The following DSE variants were observed in gnomAD, a reference collection of about 807,000 sequenced individuals.
DSE encodes the protein dermatan-sulfate epimerase.
A neutral mutation model predicts 84.4 loss-of-function variants in DSE; 36 were observed. The ratio of observed to expected loss-of-function variants is 0.43; its 90% CI spans 0.33 to 0.56. The LOEUF (loss-of-function observed/expected upper bound fraction) is 0.56, where lower values mean the gene tolerates loss of function less well. DSE is among the 20% of genes least tolerant of loss of function. DSE has a pLI of 0.06. For synonymous variants in DSE, 410 were observed against 430.1 expected (o/e 0.95, Z 0.58); for missense variants, 862 against 1,169.6 (o/e 0.74, Z 3.84).
intron 2 of DSE, among the ~76,000 whole-genome samples, chr6:116,268,205 T>G (rs1772719726): frequency 1.3e-5 from 2 of 152,232 alleles, no homozygotes; most frequent in Non-Finnish European, 2.9e-5. Context: ...ACAGTAGTTT[T>G]TCTATGTAGA....
At chr6:116,399,157 C>T in intron 1 of DSE, 41 bp from the exon 2 acceptor site, 2 of 1,555,686 alleles carry the variant, frequency 1.3e-6, no homozygotes, top group South Asian at 1.2e-5. Flanking sequence ...GCCATGTTCC[C>T]TTGGCTGACA....
intron 2 of DSE, among the ~76,000 whole-genome samples, chr6:116,350,502 A>T (rs999729813): frequency 2.0e-5 from 3 of 152,212 alleles, no homozygotes; most frequent in Non-Finnish European, 4.4e-5. Flanking sequence ...TTGCAGGGTC[A>T]TGAGCTTCTA....
At chr6:116,271,355 T>C (rs1426067020) in intron 2 of DSE, among the ~76,000 whole-genome samples, 1 of 152,208 alleles carries the variant, frequency 6.6e-6, no homozygotes, top group Non-Finnish European at 1.5e-5. Context: ...GTGCAGATAC[T>C]GCTGGTCTGG....
chr6:116,298,740 T>C lies in DSE; in HGVS notation c.-54+39773T>C, dbSNP rs142747610. ...AGCATTAAACACATTATCTGACATA[T>C]AGTGTTCATGTAATACTGTTAGCTA... On this transcript the variant is annotated intron_variant, in intron 2 of 3. Coordinates refer to the DSE transcript ENST00000430252. Among the ~76,000 whole-genome samples, 9 of 152,368 alleles carry C rather than the reference T, an allele frequency of 5.9e-5. No homozygotes were observed. In the East Asian group the frequency reaches 1.5e-3, roughly 26 times the overall value.
rs554602183 is a variant in DSE at position 116,439,331 on chromosome 6, G to C, written c.*1986G>C. ...TCATTAGGTTAAGGCTTGACAATAC[G>C]TTAGTCGCCACAGCATGATCCAGTG... On this transcript the variant is annotated 3_prime_UTR_variant, in exon 6 of 6. Transcript: ENST00000644252. 2 of 152,174 alleles carry C rather than the reference G, an allele frequency of 1.3e-5. No individual in the cohort carries two copies. The highest frequency in any genetic ancestry group is 2.9e-5 in the Non-Finnish European group (2 of 67,998). The allele number at this position is 152,174 out of a possible 1,614,324, so 9.4% of individuals were successfully genotyped here. A position where few individuals can be genotyped will look rare whatever the true frequency, so the allele number is the denominator to read the frequency against.
chr6:116,416,253 T>C (rs943994538), intron 2 of DSE, among the ~76,000 whole-genome samples: 2 of 152,102 alleles, frequency 1.3e-5, no homozygotes, highest in African/African-American at 4.8e-5. Flanking sequence ...AAATCATATC[T>C]ACAAAGTCCC....
chr6:116,267,334 A>G (rs1268873682), intron 2 of DSE, among the ~76,000 whole-genome samples: 1 of 152,196 alleles, frequency 6.6e-6, no homozygotes, highest in Admixed American at 6.5e-5. Context: ...TTCTATTGGG[A>G]CAAGATGTTG....
intron 2 of DSE, among the ~76,000 whole-genome samples, chr6:116,299,531 TATATATATATATATATATATAC>T (rs1774885811): frequency 2.5e-5 from 1 of 39,768 alleles, no homozygotes; most frequent in Non-Finnish European, 5.2e-5. Flanking sequence ...TATATATATA[TATATATATATATATATATATAC>T]ACATACACAC....
chr6:116,357,744 A>G (rs1490802306), intron 2 of DSE, among the ~76,000 whole-genome samples: 5 of 152,180 alleles, frequency 3.3e-5, no homozygotes, highest in African/African-American at 9.7e-5. Flanking sequence ...CAAAGGATCT[A>G]CTTTCCCCAA....
chr6:116,433,244 A>G (rs1488504784), intron 4 of DSE, 99 bp from the exon 5 acceptor site: 3 of 1,172,592 alleles, frequency 2.6e-6, no homozygotes, highest in Non-Finnish European at 3.6e-6. Flanking sequence ...CCATTACACA[A>G]TTCTAATTTG....
chr6:116,263,717 G>A (rs921270933), intron 2 of DSE, among the ~76,000 whole-genome samples: 2 of 152,190 alleles, frequency 1.3e-5, no homozygotes, highest in African/African-American at 4.8e-5. Context: ...GTGTACTTCA[G>A]TGTGTTTTTG....
intron 2 of DSE, among the ~76,000 whole-genome samples, chr6:116,266,317 T>G (rs1772627991): frequency 1.3e-5 from 2 of 152,186 alleles, no homozygotes; most frequent in Non-Finnish European, 2.9e-5. Flanking sequence ...AGTAAACTCT[T>G]TAAGAGCCAT....
At chr6:116,263,207 G>A (rs575275421) in intron 2 of DSE, among the ~76,000 whole-genome samples, 2 of 152,258 alleles carry the variant, frequency 1.3e-5, no homozygotes, top group Middle Eastern at 6.8e-3. Flanking sequence ...TGTCAGTGGT[G>A]TGTTAAAGTC....
At chr6:116,258,406 T>C (rs1772237596) in intron 1 of DSE, 1 of 698,760 alleles carries the variant, frequency 1.4e-6, no homozygotes, top group Non-Finnish European at 2.6e-6. Context: ...TTAAAGTCAT[T>C]ATAATAACTT....
At chr6:116,287,667 A>G (rs1271272148) in intron 2 of DSE, among the ~76,000 whole-genome samples, 1 of 152,052 alleles carries the variant, frequency 6.6e-6, no homozygotes, top group Non-Finnish European at 1.5e-5. Context: ...TCTGGGAAGG[A>G]GAGCATTTTT....
At chr6:116,280,439 T>C (rs1415061656) in intron 2 of DSE, among the ~76,000 whole-genome samples, 3 of 152,220 alleles carry the variant, frequency 2.0e-5, no homozygotes, top group Non-Finnish European at 4.4e-5. Context: ...CGATGCATAG[T>C]ATTCATTGCT....
At chr6:116,357,064 CTTAT>C (rs1351549244) in intron 2 of DSE, among the ~76,000 whole-genome samples, 8 of 152,142 alleles carry the variant, frequency 5.3e-5, no homozygotes, top group Non-Finnish European at 1.0e-4. Context: ...ACAAATTCTA[CTTAT>C]TTGAGTAGTG....
intron 2 of DSE, among the ~76,000 whole-genome samples, chr6:116,356,530 T>C (rs1778580383): frequency 6.6e-6 from 1 of 152,236 alleles, no homozygotes. Context: ...GTGGCTTACA[T>C]TATATTTCTA....
chr6:116,389,312 G>A (rs1251512725), intron 1 of DSE, among the ~76,000 whole-genome samples: 13 of 152,014 alleles, frequency 8.6e-5, no homozygotes. Context: ...TCAAACCCAG[G>A]AAGTGTGGCT....
Sources: allele counts gnomAD v4.1 joint callset (sites outside exome capture counted in the v4.1 genomes callset), GRCh38; gene constraint gnomAD v4.1.1; transcripts MANE v1.5; gene names NCBI Gene and HGNC (gene_info 2026-07-23, HGNC 2026-07-21).